The following MKI67 variants were observed in gnomAD, a reference collection of about 807,000 sequenced individuals.
The protein encoded by MKI67 is marker of proliferation Ki-67.
In MKI67, 152 loss-of-function variants were observed where a neutral mutation model predicts 233.5. The observed-to-expected ratio is 0.65, with a 90% CI of 0.57 to 0.74. The LOEUF (loss-of-function observed/expected upper bound fraction) is 0.74, where lower values mean the gene tolerates loss of function less well. Among genes scored for constraint, MKI67 ranks in the 30% least tolerant of loss-of-function variants. The pLI is 0.00. For synonymous variants in MKI67, 1,465 were observed against 1,418.5 expected (o/e 1.03, Z -0.74); for missense variants, 3,940 against 3,885.2 (o/e 1.01, Z -0.37).
At chr10:128,124,968 TGGGAAATGACCACAC>T (rs1277870714) in intron 2 of MKI67, among the ~76,000 whole-genome samples, 6 of 151,888 alleles carry the variant, frequency 4.0e-5, no homozygotes, top group Non-Finnish European at 8.8e-5. Flanking sequence ...CCGTGTGGTC[TGGGAAATGACCACAC>T]GGGAAATGAC....
Position 128,103,937 on chromosome 10 carries a change from C to T in MKI67, c.7903G>A (p.Glu2635Lys). 6.2e-7 allele frequency: 1 copy of T among 1,613,992 alleles called. No individual in the cohort carries two copies. Among genetic ancestry groups the T allele is most frequent in the Non-Finnish European group, 8.5e-7 (1 of 1,179,994 alleles). The change falls in exon 13 of 15, where the codon GAA (glutamate) becomes AAA (lysine). Residue 2635 changes from glutamate to lysine, a missense_variant. Transcript: ENST00000368654. ...TSGQSTHTHK[E>K]PASGDEGIKV... The stretch of plus-strand genomic sequence containing the variant: ...ATGCCCTCATCACCGCTTGCTGGTT[C>T]TTTGTGTGTGTGTGTGCTTTGCCCT...
chr10:128,103,685 T>C lies in MKI67; in HGVS notation c.8155A>G (p.Ser2719Gly). The C allele has an allele frequency of 6.2e-7, 1 of 1,614,198 alleles. No individual in the cohort carries two copies. The highest frequency in any genetic ancestry group is 2.2e-5 in the East Asian group (1 of 44,876). The change falls in exon 13 of 15, where the codon AGC becomes GGC. Residue 2719 changes from serine to glycine, a missense_variant. Ser to Gly is a moderately conservative substitution (Grantham distance 56). Coordinates refer to ENST00000368654, the MANE Select transcript of MKI67 (RefSeq NM_002417.5). ...PPLEVVDTTA[S>G]TKRHLRTRVQ... ...CGTGTCCTGAGATGCCTCTTTGTGC[T>C]TGCTGTGGTGTCTACCACTTCTAGT...
At chr10:128,109,760 A>G (rs7100507) in intron 12 of MKI67, among the ~76,000 whole-genome samples, 31,137 of 152,142 alleles carry the variant, frequency 0.2, 3,702 homozygotes, top group Middle Eastern at 0.28. Flanking sequence ...CATTAGAAAC[A>G]AACAGCTGTT....
chr10:128,119,176 A>T, intron 5 of MKI67, 77 bp downstream of exon 5: 1 of 1,067,638 alleles, frequency 9.4e-7, no homozygotes. Flanking sequence ...GATTTCAAGT[A>T]AGAAATCATT....
chr10:128,110,271 G>T, intron 12 of MKI67, 107 bp downstream of exon 12: 1 of 876,052 alleles, frequency 1.1e-6, no homozygotes, highest in African/African-American at 1.7e-5. Flanking sequence ...GGTATTTTGT[G>T]CCAGGAACAT....
Position 128,108,171 on chromosome 10 carries a change from G to T in MKI67, c.3669C>A (p.Asp1223Glu), listed in dbSNP as rs1852566371. 6.2e-7 allele frequency: 1 copy of T among 1,613,472 alleles called. No homozygotes were observed. The highest frequency in any genetic ancestry group is 1.7e-5 in the Admixed American group (1 of 59,976). Reference sequence around the variant, plus strand: ...GGAAGAGCTCTTTAAAGCCAGCCAGGTCTTCTAGAGCCTGGGCCTTTTCCT... The same window carrying T: ...GGAAGAGCTCTTTAAAGCCAGCCAGTTCTTCTAGAGCCTGGGCCTTTTCCT... ...TPKEKAQALE[D>E]LAGFKELFQT... The change falls in exon 13 of 15, where the codon GAC (aspartate) becomes GAA (glutamate). Residue 1223 changes from aspartate (D) to glutamate (E), a missense_variant. Transcript: ENST00000368654.
intron 5 of MKI67, among the ~76,000 whole-genome samples, chr10:128,118,397 G>GA (rs572037256): frequency 0.032 from 1,800 of 56,002 alleles, 29 homozygotes; most frequent in South Asian, 0.041. Context: ...CTCCGTCTCA[G>GA]AAAAAAAAAA....
At chr10:128,122,362 T>C (rs1852966275) in intron 4 of MKI67, among the ~76,000 whole-genome samples, 1 of 152,092 alleles carries the variant, frequency 6.6e-6, no homozygotes, top group Non-Finnish European at 1.5e-5. Flanking sequence ...CCCATACTAA[T>C]AGCTCAAAAA....
Position 128,108,089 on chromosome 10 carries a change from A to C in MKI67, c.3751T>G (p.Cys1251Gly), listed in dbSNP as rs759465654. 10 of 1,612,564 alleles carry C rather than the reference A, an allele frequency of 6.2e-6. No homozygotes were observed. The highest frequency in any genetic ancestry group is 8.5e-6 in the Non-Finnish European group (10 of 1,179,778). The change falls in exon 13 of 15, where the codon TGC (cysteine) becomes GGC (glycine). Residue 1251 changes from cysteine to glycine, a missense_variant. Coordinates refer to ENST00000368654, the MANE Select transcript of MKI67 (RefSeq NM_002417.5). ...VAAGKTTKIP[C>G]DSPQSDPVDT... The stretch of plus-strand genomic sequence containing the variant: ...ACTGGGTCTGACTGTGGAGAGTCGC[A>C]GGGTATTTTAGTGGTTTTACCAGCA...
rs1248952814 is a variant in MKI67 at position 128,101,241 on chromosome 10, A to G, written c.9705+17T>C. 6.3e-7 allele frequency: 1 copy of G among 1,596,108 alleles called. No individual in the cohort carries two copies. The highest frequency in any genetic ancestry group is 8.6e-7 in the Non-Finnish European group (1 of 1,167,972). ...CATTCTGTGTCTTTTAAAACAGGGA[A>G]ACAGTAAATGGCTTACCTTCTTTGG... On this transcript the variant is annotated intron_variant, in intron 14 of 14. Transcript: ENST00000368654.
chr10:128,112,416 C>T lies in MKI67; in HGVS notation c.1686G>A (p.Glu562=). The change falls in exon 9 of 15, where the codon GAG becomes GAA. Residue 562 remains glutamate (E), a synonymous_variant. Coordinates refer to ENST00000368654, the MANE Select transcript of MKI67 (RefSeq NM_002417.5). Reference sequence around the variant, plus strand: ...CTTCCACATGGATTTCTGAACCTGACTCTTGTTTTCCTGATGGTTGAGGCT... The same window carrying T: ...CTTCCACATGGATTTCTGAACCTGATTCTTGTTTTCCTGATGGTTGAGGCT... ...KEQPQPSGKQ[E]SGSEIHVEVK... is the part of the protein sequence containing the mutation. The T allele has an allele frequency of 2.5e-6, 4 of 1,614,108 alleles. No individual in the cohort carries two copies. The highest frequency in any genetic ancestry group is 3.4e-6 in the Non-Finnish European group (4 of 1,179,978).
Position 128,119,295 on chromosome 10 carries a change from A to C in MKI67, c.312T>G (p.Asn104Lys). Residue 104 changes from asparagine to lysine, a missense_variant, in exon 5 of 15, where the codon AAT becomes AAG. Physicochemically the swap from Asn to Lys is moderately conservative, Grantham distance 94. Transcript: ENST00000368654. The part of the protein sequence containing the change: ...SFRYENESLQ[N>K]GRKSTEFPRK... ...TTGGAAATTCAGTTGACTTCCTTCCATTCTGAAGACTTTCATTTTCATACC... is the reference window on the plus strand; with the variant it reads ...TTGGAAATTCAGTTGACTTCCTTCCCTTCTGAAGACTTTCATTTTCATACC... The C allele has an allele frequency of 6.2e-7, 1 of 1,608,626 alleles. No homozygotes were observed. The highest frequency in any genetic ancestry group is 1.1e-5 in the South Asian group (1 of 90,766).
rs1306826392 is a variant in MKI67 at position 128,099,167 on chromosome 10, T to G, written c.*23A>C. 1 of 1,581,382 alleles carries G rather than the reference T, an allele frequency of 6.3e-7. No homozygotes were observed. Among genetic ancestry groups the G allele is most frequent in the African/African-American group, 1.4e-5 (1 of 73,886 alleles). ...TTATCACAAAACTAACTTTATTATA[T>G]TTTTCCCAGTTCGATTTTTCTGTCA... On this transcript the variant is annotated 3_prime_UTR_variant, in exon 15 of 15. Coordinates refer to ENST00000368654, the MANE Select transcript of MKI67 (RefSeq NM_002417.5).
Position 128,108,275 on chromosome 10 carries a change from C to T in MKI67, c.3565G>A (p.Ala1189Thr). 6.2e-7 allele frequency: 1 copy of T among 1,613,496 alleles called. No individual in the cohort carries two copies. Among genetic ancestry groups the T allele is most frequent in the Non-Finnish European group, 8.5e-7 (1 of 1,179,910 alleles). The change falls in exon 13 of 15, where the codon GCA (alanine) becomes ACA (threonine). Residue 1189 changes from alanine (A) to threonine (T), a missense_variant. By Grantham distance (58) the Ala-to-Thr change is moderately conservative. Transcript: ENST00000368654. ...PAGGDEKDIKAFMGTPVQKLD... is the reference protein window; with the variant it reads ...PAGGDEKDIKTFMGTPVQKLD... ...TTCTGCACTGGAGTTCCCATAAATG[C>T]TTTAATGTCTTTCTCATCACCTCCT... is the stretch of plus-strand genomic sequence containing the variant.
rs1376068196 is a variant in MKI67 at position 128,106,802 on chromosome 10, G to A, written c.5038C>T (p.Pro1680Ser). ...GKSMKAFMES[P>S]KQILDSAASL... ...GCTGCTGAGTCTAAGATCTGCTTTG[G>A]AGACTCCATAAATGCTTTCATGCTC... Residue 1680 changes from proline to serine, a missense_variant, in exon 13 of 15, where the codon CCA (proline) becomes TCA (serine). Coordinates refer to ENST00000368654, the MANE Select transcript of MKI67 (RefSeq NM_002417.5). 5 of 1,614,114 alleles carry A rather than the reference G, an allele frequency of 3.1e-6. No homozygotes were observed. Among genetic ancestry groups the A allele is most frequent in the Admixed American group, 1.7e-5 (1 of 60,012 alleles).
At chr10:128,099,702 T>C (rs1398851817) in intron 14 of MKI67, among the ~76,000 whole-genome samples, 1 of 152,204 alleles carries the variant, frequency 6.6e-6, no homozygotes. Flanking sequence ...CTTGCAGTAG[T>C]TCTCACCCCT....
Position 128,104,300 on chromosome 10 carries a change from C to G in MKI67, c.7540G>C (p.Glu2514Gln), listed in dbSNP as rs760900050. ...TSGETTQTHT[E>Q]PTGDSKSIKA... ...ATGCTCTTACTATCTCCTGTTGGCT[C>G]TGTGTGTGTTTGCGTAGTCTCCCCT... is the stretch of plus-strand genomic sequence containing the variant. Residue 2514 changes from glutamate (E) to glutamine (Q), a missense_variant, in exon 13 of 15, where the codon GAG (glutamate) becomes CAG (glutamine). Physicochemically the swap from Glu to Gln is conservative, Grantham distance 29. Coordinates refer to ENST00000368654, the MANE Select transcript of MKI67 (RefSeq NM_002417.5). The G allele has an allele frequency of 3.7e-6, 6 of 1,614,026 alleles. No homozygotes were observed. Among genetic ancestry groups the G allele is most frequent in the African/African-American group, 2.7e-5 (2 of 74,908 alleles).
Position 128,106,602 on chromosome 10 carries a change from G to A in MKI67, c.5238C>T (p.Asp1746=). Residue 1746 remains aspartate, a synonymous_variant, in exon 13 of 15, where the codon GAC becomes GAT. Transcript: ENST00000368654. The stretch of plus-strand genomic sequence containing the variant: ...GCTGTGGCTTGGAGCTTGTTGGGGT[G>A]TCCACTAGGTCTGGCTGTGAAGCTC... ...SYRASQPDLV[D]TPTSSKPQPK... 1 of 1,614,074 alleles carries A rather than the reference G, an allele frequency of 6.2e-7. No homozygotes were observed. The highest frequency in any genetic ancestry group is 1.1e-5 in the South Asian group (1 of 91,074).
At position 128,105,397 on chromosome 10, in the gene MKI67, T is replaced by G; in HGVS notation, c.6443A>C (p.Lys2148Thr). Residue 2148 changes from lysine (K) to threonine (T), a missense_variant, in exon 13 of 15, where the codon AAA (lysine) becomes ACA (threonine). Transcript: ENST00000368654. ...KQLTQTTHTDKVPGDEDKGIN... is the reference protein window; with the variant it reads ...KQLTQTTHTDTVPGDEDKGIN... ...GCCTTTATCCTCATCTCCTGGTACT[T>G]TGTCTGTGTGTGTGGTCTGTGTGAG... The G allele has an allele frequency of 6.2e-7, 1 of 1,614,102 alleles. No individual in the cohort carries two copies. The highest frequency in any genetic ancestry group is 8.5e-7 in the Non-Finnish European group (1 of 1,180,012).
Sources: allele counts gnomAD v4.1 joint callset (sites outside exome capture counted in the v4.1 genomes callset), GRCh38; gene constraint gnomAD v4.1.1; transcripts MANE v1.5; gene names NCBI Gene and HGNC (gene_info 2026-07-23, HGNC 2026-07-21).